Variants in FAM200B observed in about 807,000 individuals in gnomAD.
FAM200B encodes the protein zinc finger BED-type containing 11, also known as protein FAM200B.
FAM200B carries 32 observed loss-of-function variants against 33.1 expected under a neutral mutation model. The observed-to-expected ratio is 0.97, with a 90% confidence interval of 0.73 to 1.30. The LOEUF is 1.30. FAM200B is among the 50% of genes most tolerant of loss of function. The pLI is 0.00. For synonymous variants in FAM200B, 240 were observed against 264.8 expected (o/e 0.91, Z 0.91); for missense variants, 741 against 754.0 (o/e 0.98, Z 0.20).
At chr4:15,684,374 C>G (rs955131135) in intron 1 of FAM200B, among the ~76,000 whole-genome samples, 1 of 152,184 alleles carries the variant, frequency 6.6e-6, no homozygotes, top group South Asian at 2.1e-4. Flanking sequence ...CTCATTAAAG[C>G]CGCTTTCGGA....
At chr4:15,637,857 A>C in the FAM200B span, among the ~76,000 whole-genome samples, 1 of 152,116 alleles carries the variant, frequency 6.6e-6, no homozygotes, top group African/African-American at 2.4e-5. Flanking sequence ...ATCTTGAAGA[A>C]GCAAAGCTAC....
At chr4:15,667,700 A>G in the FAM200B span, among the ~76,000 whole-genome samples, 39 of 152,254 alleles carry the variant, frequency 2.6e-4, no homozygotes, top group Non-Finnish European at 4.7e-4. Context: ...AGATATGATA[A>G]ATAAAACATG....
At chr4:15,657,255 AATGAGCTCC>A in the FAM200B span, among the ~76,000 whole-genome samples, 1 of 152,324 alleles carries the variant, frequency 6.6e-6, no homozygotes, top group South Asian at 2.1e-4. Flanking sequence ...TATATAGAGA[AATGAGCTCC>A]ATGAGAACAT....
chr4:15,672,108 A>C, the FAM200B span, among the ~76,000 whole-genome samples: 1 of 152,160 alleles, frequency 6.6e-6, no homozygotes, highest in East Asian at 1.9e-4. Flanking sequence ...GAATTCAGTT[A>C]AGCTACTTAG....
chr4:15,675,193 A>T, the FAM200B span, among the ~76,000 whole-genome samples: 1 of 152,044 alleles, frequency 6.6e-6, no homozygotes. Context: ...GAGGAAAGCT[A>T]CCTCCCTCTA....
the FAM200B span, among the ~76,000 whole-genome samples, chr4:15,662,441 A>G: frequency 6.6e-6 from 1 of 152,336 alleles, no homozygotes; most frequent in African/African-American, 2.4e-5. Flanking sequence ...TAACGGAATA[A>G]GTGTAATAGG....
chr4:15,672,397 C>G, the FAM200B span, among the ~76,000 whole-genome samples: 10 of 152,224 alleles, frequency 6.6e-5, no homozygotes, highest in East Asian at 1.9e-4. Flanking sequence ...ATGTGACCAT[C>G]ATAGAGTACT....
At chr4:15,658,265 G>C in the FAM200B span, among the ~76,000 whole-genome samples, 1 of 152,226 alleles carries the variant, frequency 6.6e-6, no homozygotes, top group Non-Finnish European at 1.5e-5. Flanking sequence ...TGGAATCATA[G>C]TCCTCACTCA....
chr4:15,669,741 T>C, the FAM200B span, among the ~76,000 whole-genome samples: 1 of 152,230 alleles, frequency 6.6e-6, no homozygotes, highest in Non-Finnish European at 1.5e-5. Context: ...TGGTCAGTAC[T>C]TTTTTTCTTA....
At chr4:15,686,078 G>GA (rs1380118333) in intron 1 of FAM200B, among the ~76,000 whole-genome samples, 158 bp from the exon 2 acceptor site, 1 of 152,172 alleles carries the variant, frequency 6.6e-6, no homozygotes, top group Non-Finnish European at 1.5e-5. Context: ...TTGCCTTACA[G>GA]AAATAGGCCT....
the FAM200B span, among the ~76,000 whole-genome samples, chr4:15,649,578 C>CAAAAAAAAAAAAAAA: frequency 4.9e-5 from 4 of 81,350 alleles, no homozygotes; most frequent in Non-Finnish European, 9.8e-5. Flanking sequence ...GACTACGTCT[C>CAAAAAAAAAAAAAAA]AAAAAAAAAA....
At chr4:15,638,426 C>CA in the FAM200B span, 1 of 1,061,940 alleles carries the variant, frequency 9.4e-7, no homozygotes. Flanking sequence ...AATTATTCCT[C>CA]AACCAAAATC....
At chr4:15,647,190 T>C in the FAM200B span, among the ~76,000 whole-genome samples, 1 of 113,494 alleles carries the variant, frequency 8.8e-6, no homozygotes. Context: ...GCCACTGCAC[T>C]CCAGCCTGGG....
rs1005536644 is a variant in FAM200B at position 15,690,324 on chromosome 4, A to G, written c.*1373A>G. 1.2e-5 allele frequency: 2 copies of G among 167,204 alleles called. No individual in the cohort carries two copies. Among genetic ancestry groups the G allele is most frequent in the South Asian group, 2.1e-4 (1 of 4,828 alleles). 10.4% of individuals were successfully genotyped at this position (167,204 alleles called of 1,614,324 possible). On this transcript the variant is annotated 3_prime_UTR_variant, in exon 2 of 2. Coordinates refer to ENST00000422728, the MANE Select transcript of FAM200B (RefSeq NM_001145191.2). ...GTCATTGTCATTAAAATCATACAGG[A>G]TAGTAATTCCTTTCCATCTGCTACC...
chr4:15,639,547 C>A, the FAM200B span, among the ~76,000 whole-genome samples: 1 of 152,216 alleles, frequency 6.6e-6, no homozygotes, highest in Non-Finnish European at 1.5e-5. Flanking sequence ...GATGCTTAGT[C>A]TCAATCTCCA....
the FAM200B span, among the ~76,000 whole-genome samples, chr4:15,672,595 A>G: frequency 6.6e-6 from 1 of 152,206 alleles, no homozygotes; most frequent in African/African-American, 2.4e-5. Context: ...GTATACCTGT[A>G]AAGGGCACTT....
chr4:15,649,649 C>T, the FAM200B span, among the ~76,000 whole-genome samples: 3 of 149,654 alleles, frequency 2.0e-5, no homozygotes, highest in African/African-American at 4.9e-5. Flanking sequence ...TTTTTGAAAT[C>T]TGTTTATATA....
chr4:15,656,078 C>A, the FAM200B span, among the ~76,000 whole-genome samples: 1 of 152,230 alleles, frequency 6.6e-6, no homozygotes, highest in Non-Finnish European at 1.5e-5. Flanking sequence ...CGGAAATGCA[C>A]CTCAAGTGCA....
At chr4:15,660,114 T>C in the FAM200B span, among the ~76,000 whole-genome samples, 2 of 152,072 alleles carry the variant, frequency 1.3e-5, no homozygotes, top group African/African-American at 2.4e-5. Context: ...GGTTTCACTC[T>C]GTCACCCAGG....
Sources: gnomAD v4.1 joint callset for allele counts (sites outside exome capture counted in the v4.1 genomes callset) on GRCh38, gnomAD v4.1.1 for gene constraint, MANE v1.5 for transcripts, NCBI Gene and HGNC (gene_info 2026-07-23, HGNC 2026-07-21) for gene names.